The following PYHIN1 variants were observed in gnomAD, a reference collection of about 807,000 sequenced individuals.
The protein encoded by PYHIN1 is pyrin and HIN domain-containing protein 1.
A neutral mutation model predicts 43.7 loss-of-function variants in PYHIN1; 32 were observed. That is an observed-to-expected ratio of 0.73 (90% CI 0.55 to 0.98). The LOEUF (loss-of-function observed/expected upper bound fraction) is 0.98, where lower values mean the gene tolerates loss of function less well. Among genes scored for constraint, PYHIN1 ranks in the 50% least tolerant of loss-of-function variants. The pLI is 0.00. For missense variants in PYHIN1, 588 were observed against 589.5 expected, an observed-to-expected ratio of 1.00 and a Z score of 0.03; for synonymous variants, 205 against 203.1, an observed-to-expected ratio of 1.01 and a Z score of -0.08.
At chr1:158,937,838 C>G (rs144419133) in intron 2 of PYHIN1, among the ~76,000 whole-genome samples, 1 of 150,964 alleles carries the variant, frequency 6.6e-6, no homozygotes, top group East Asian at 2.0e-4. Context: ...CCCAGCTACT[C>G]GGAGGCTGAG....
At chr1:158,973,622 A>G (rs767793239) in intron 7 of PYHIN1, 25 bp from the exon 8 acceptor site, 3 of 1,611,686 alleles carry the variant, frequency 1.9e-6, no homozygotes, top group Admixed American at 1.7e-5. Context: ...GTGAAAGACT[A>G]AATTACCCAA....
chr1:158,965,066 GA>G (rs1005764786), intron 7 of PYHIN1, among the ~76,000 whole-genome samples: 10 of 142,270 alleles, frequency 7.0e-5, no homozygotes, highest in South Asian at 4.4e-4. Context: ...ATAGAAAGCA[GA>G]AAAAAAAAAC....
At chr1:158,990,103 A>C in the PYHIN1 span, among the ~76,000 whole-genome samples, 1 of 152,192 alleles carries the variant, frequency 6.6e-6, no homozygotes, top group Non-Finnish European at 1.5e-5. Flanking sequence ...TGTGAATATG[A>C]CCATGTATCA....
At chr1:158,951,774 G>C (rs72704932) in intron 7 of PYHIN1, among the ~76,000 whole-genome samples, 16,901 of 152,128 alleles carry the variant, frequency 0.11, 1,090 homozygotes, top group Non-Finnish European at 0.12. Flanking sequence ...TTCTACTGGG[G>C]AGCAAAGTTT....
chr1:158,950,014 T>C (rs2101676885), intron 7 of PYHIN1, among the ~76,000 whole-genome samples: 1 of 152,326 alleles, frequency 6.6e-6, no homozygotes, highest in East Asian at 1.9e-4. Context: ...TATGTAGTGT[T>C]ATCTGGCACC....
chr1:158,943,946 A>G lies in PYHIN1; in HGVS notation c.1159A>G (p.Lys387Glu), dbSNP rs1649073481. ...ACTGAGAAAGAGGGAAAATATGTCA[A>G]AACTGATGTCAGAAATGCATAGTTT... The part of the protein sequence containing the change: ...FRLRKRENMS[K>E]LMSEMHSFIQ... The change falls in exon 6 of 9, where the codon AAA becomes GAA. Residue 387 changes from lysine (K) to glutamate (E), a missense_variant. By Grantham distance (56) the Lys-to-Glu change is moderately conservative. Transcript: ENST00000368140. 2 of 1,608,488 alleles carry G rather than the reference A, an allele frequency of 1.2e-6. No individual in the cohort carries two copies. Among genetic ancestry groups the G allele is most frequent in the Non-Finnish European group, 1.7e-6 (2 of 1,176,210 alleles).
the PYHIN1 span, among the ~76,000 whole-genome samples, chr1:158,984,050 A>G: frequency 5.2e-5 from 3 of 57,474 alleles, no homozygotes; most frequent in Admixed American, 2.0e-4. Context: ...TTTTTTGTAT[A>G]TTAATCTGGC....
intron 7 of PYHIN1, among the ~76,000 whole-genome samples, chr1:158,962,729 C>T (rs1317033190): frequency 6.6e-6 from 1 of 152,186 alleles, no homozygotes; most frequent in African/African-American, 2.4e-5. Flanking sequence ...GGAGTCCAGT[C>T]TCTCTTCCCT....
the PYHIN1 span, among the ~76,000 whole-genome samples, chr1:158,984,670 A>C: frequency 6.6e-6 from 1 of 152,156 alleles, no homozygotes; most frequent in Non-Finnish European, 1.5e-5. Flanking sequence ...AGGTCAATTT[A>C]GTCAAGTGTG....
At chr1:158,939,458 C>G in intron 4 of PYHIN1, 1 of 1,551,576 alleles carries the variant, frequency 6.4e-7, no homozygotes, top group Non-Finnish European at 8.7e-7. Flanking sequence ...CTGTCCTGTG[C>G]TGTTTGGGGA....
the PYHIN1 span, among the ~76,000 whole-genome samples, chr1:158,989,961 A>G: frequency 3.9e-5 from 6 of 152,148 alleles, no homozygotes; most frequent in African/African-American, 1.4e-4. Context: ...TTTTATCTAC[A>G]GAACCTTAAA....
the PYHIN1 span, among the ~76,000 whole-genome samples, chr1:158,984,556 ATGGCCAAGCATG>A: frequency 2.6e-5 from 4 of 152,126 alleles, no homozygotes; most frequent in East Asian, 3.9e-4. Context: ...GCATTGCTTT[ATGGCCAAGCATG>A]TGGCCAAGCA....
chr1:158,982,391 A>G, the PYHIN1 span, among the ~76,000 whole-genome samples: 1 of 152,144 alleles, frequency 6.6e-6, no homozygotes, highest in Non-Finnish European at 1.5e-5. Context: ...TGCTTGTTGA[A>G]TAGGAAGTAC....
intron 7 of PYHIN1, among the ~76,000 whole-genome samples, chr1:158,959,612 A>G (rs1650205820): frequency 6.6e-6 from 1 of 152,114 alleles, no homozygotes; most frequent in Non-Finnish European, 1.5e-5. Flanking sequence ...TTCATCTTAA[A>G]ATTTTTCCTA....
chr1:158,946,694 A>T (rs1252841195), intron 7 of PYHIN1, among the ~76,000 whole-genome samples: 1 of 152,180 alleles, frequency 6.6e-6, no homozygotes, highest in Admixed American at 6.5e-5. Flanking sequence ...CACCCATCAG[A>T]CATTTTCAGA....
rs766162706 is a variant in PYHIN1 at position 158,942,226 on chromosome 1, C to A, written c.829C>A (p.Arg277Ser). 1.9e-6 allele frequency: 3 copies of A among 1,613,836 alleles called. No homozygotes were observed. The highest frequency in any genetic ancestry group is 2.5e-6 in the Non-Finnish European group (3 of 1,179,946). ...RIIIISNYSK[R>S]NSLLEVNEAS... is the part of the protein sequence containing the mutation. ...CATCATTATATCAAATTATTCCAAA[C>A]GTAATAGTCTCCTAGAGGTGAATGA... The change falls in exon 5 of 9, where the codon CGT becomes AGT. Residue 277 changes from arginine to serine, a missense_variant. Physicochemically the swap from Arg to Ser is moderately radical, Grantham distance 110. Coordinates refer to ENST00000368140, the MANE Select transcript of PYHIN1 (RefSeq NM_152501.5).
Position 158,952,312 on chromosome 1 carries a change from T to G in PYHIN1, c.1359+7270T>G, listed in dbSNP as rs188767309. ...GCTTCCCCGCTGCCGAGCCTTTCTT[T>G]CTACCTACTGCTTGCTTGGCCGCAC... is the stretch of plus-strand genomic sequence containing the variant. On this transcript the variant is annotated intron_variant, in intron 7 of 8. Coordinates refer to ENST00000368140, the MANE Select transcript of PYHIN1 (RefSeq NM_152501.5). 7.2e-5 allele frequency among the ~76,000 whole-genome samples: 11 copies of G among 152,110 alleles called. No individual in the cohort carries two copies. In the East Asian group the frequency reaches 2.1e-3, roughly 30 times the overall value.
chr1:158,959,363 A>G (rs1398002622), intron 7 of PYHIN1, among the ~76,000 whole-genome samples: 1 of 152,044 alleles, frequency 6.6e-6, no homozygotes, highest in East Asian at 1.9e-4. Flanking sequence ...GAATCAACAA[A>G]CCTGTGGGTA....
intron 7 of PYHIN1, among the ~76,000 whole-genome samples, chr1:158,966,005 C>A (rs577953665): frequency 6.6e-6 from 1 of 151,622 alleles, no homozygotes; most frequent in African/African-American, 2.4e-5. Context: ...AAAAAAGAGA[C>A]AAGATCTAAA....
Sources: allele counts gnomAD v4.1 joint callset (sites outside exome capture counted in the v4.1 genomes callset), GRCh38; gene constraint gnomAD v4.1.1; transcripts MANE v1.5; gene names NCBI Gene and HGNC (gene_info 2026-07-23, HGNC 2026-07-21).